The following ROBO2 variants were observed in gnomAD, a reference collection of about 807,000 sequenced individuals.
The protein encoded by ROBO2 is roundabout guidance receptor 2.
A neutral mutation model predicts 160.8 loss-of-function variants in ROBO2; 53 were observed. The ratio of observed to expected loss-of-function variants is 0.33; its 90% CI spans 0.26 to 0.41. The LOEUF (loss-of-function observed/expected upper bound fraction) is 0.41, where lower values mean the gene tolerates loss of function less well. Among genes scored for constraint, ROBO2 ranks in the 10% least tolerant of loss-of-function variants. ROBO2 has a pLI of 1.00. For missense variants in ROBO2, 1,577 were observed against 1,722.4 expected (o/e 0.92, Z 1.49); for synonymous variants, 664 against 611.7 (o/e 1.09, Z -1.26).
At chr3:76,353,936 A>G (rs2075020131) in intron 2 of ROBO2, among the ~76,000 whole-genome samples, 1 of 151,878 alleles carries the variant, frequency 6.6e-6, no homozygotes, top group African/African-American at 2.4e-5. Context: ...TGTGACCAGA[A>G]ATGCATGTGA....
At chr3:76,446,762 A>T (rs2077203972) in intron 2 of ROBO2, among the ~76,000 whole-genome samples, 1 of 152,324 alleles carries the variant, frequency 6.6e-6, no homozygotes, top group East Asian at 1.9e-4. Flanking sequence ...CTGATCTTTG[A>T]CATACCTGAG....
chr3:76,661,207 A>G (rs76561819), intron 2 of ROBO2, among the ~76,000 whole-genome samples: 1 of 152,182 alleles, frequency 6.6e-6, no homozygotes, highest in South Asian at 2.1e-4. Context: ...TGTTTTATGC[A>G]GTTCCTGGAA....
chr3:77,359,413 T>C (rs944930974), intron 2 of ROBO2, among the ~76,000 whole-genome samples: 1 of 152,178 alleles, frequency 6.6e-6, no homozygotes, highest in Admixed American at 6.5e-5. Context: ...AATGTATGTG[T>C]CTGTCCTTTT....
At chr3:76,004,663 T>C (rs2065973824) in intron 2 of ROBO2, among the ~76,000 whole-genome samples, 1 of 152,178 alleles carries the variant, frequency 6.6e-6, no homozygotes, top group South Asian at 2.1e-4. Context: ...TAAGTCTCTG[T>C]TCTTATGACC....
chr3:76,576,900 C>G, intron 2 of ROBO2, among the ~76,000 whole-genome samples: 1 of 151,786 alleles, frequency 6.6e-6, no homozygotes, highest in East Asian at 1.9e-4. Context: ...GGAATTGGCA[C>G]TTTCACATTT....
chr3:76,490,182 C>T (rs1170441406), intron 2 of ROBO2, among the ~76,000 whole-genome samples: 1 of 152,128 alleles, frequency 6.6e-6, no homozygotes, highest in East Asian at 1.9e-4. Flanking sequence ...AATTTTTTAT[C>T]TATTTTCTCA....
chr3:77,606,758 C>T (rs2094533534), intron 20 of ROBO2, among the ~76,000 whole-genome samples: 1 of 152,078 alleles, frequency 6.6e-6, no homozygotes, highest in Admixed American at 6.6e-5. Flanking sequence ...GCTAAATAGC[C>T]CTGCTACAAA....
At chr3:76,689,413 A>G (rs2092752315) in intron 2 of ROBO2, among the ~76,000 whole-genome samples, 1 of 152,070 alleles carries the variant, frequency 6.6e-6, no homozygotes, top group Non-Finnish European at 1.5e-5. Context: ...GACTTCTCCA[A>G]TCCACTTTAT....
At chr3:76,735,116 C>T (rs3849510) in intron 2 of ROBO2, among the ~76,000 whole-genome samples, 99,076 of 151,952 alleles carry the variant, frequency 0.65, 32,439 homozygotes, top group African/African-American at 0.72. Flanking sequence ...AATTGTTCTA[C>T]GAAAAAGATA....
At chr3:77,268,398 C>G (rs1223531662) in intron 2 of ROBO2, among the ~76,000 whole-genome samples, 1 of 151,944 alleles carries the variant, frequency 6.6e-6, no homozygotes, top group African/African-American at 2.4e-5. Flanking sequence ...TCTATAGGAC[C>G]CATTCCAGCA....
intron 2 of ROBO2, among the ~76,000 whole-genome samples, chr3:77,358,508 A>C (rs560960794): frequency 6.6e-6 from 1 of 152,374 alleles, no homozygotes; most frequent in African/African-American, 2.4e-5. Context: ...AATTCAACCC[A>C]TAACAACAGG....
intron 2 of ROBO2, among the ~76,000 whole-genome samples, chr3:76,605,125 T>C (rs773079529): frequency 1.1e-4 from 17 of 152,180 alleles, no homozygotes; most frequent in Admixed American, 2.0e-4. Flanking sequence ...TTAAAATGTT[T>C]GTGTGCATTT....
intron 2 of ROBO2, among the ~76,000 whole-genome samples, chr3:76,910,960 C>T (rs2075959385): frequency 6.6e-6 from 1 of 151,998 alleles, no homozygotes; most frequent in Non-Finnish European, 1.5e-5. Context: ...ATACTCTCCA[C>T]AAAATTGTAT....
At chr3:77,584,854 G>A (rs2153680646) in intron 16 of ROBO2, among the ~76,000 whole-genome samples, 1 of 151,094 alleles carries the variant, frequency 6.6e-6, no homozygotes, top group East Asian at 1.9e-4. Flanking sequence ...TTAGAAATAA[G>A]CCCTTATTTT....
chr3:76,498,129 T>C (rs1014222668), intron 2 of ROBO2, among the ~76,000 whole-genome samples: 8 of 152,226 alleles, frequency 5.3e-5, no homozygotes, highest in African/African-American at 1.4e-4. Context: ...AGAAAATTCC[T>C]TGGCATATAT....
chr3:75,928,714 AACG>A (rs1459932054), intron 1 of ROBO2, among the ~76,000 whole-genome samples: 1 of 152,212 alleles, frequency 6.6e-6, no homozygotes, highest in East Asian at 1.9e-4. Flanking sequence ...ATGATTATAG[AACG>A]ATCTATGTAC....
chr3:77,226,088 T>G (rs2086466203), intron 2 of ROBO2, among the ~76,000 whole-genome samples: 1 of 151,994 alleles, frequency 6.6e-6, no homozygotes, highest in Admixed American at 6.6e-5. Flanking sequence ...ATGCAAGAAA[T>G]AATACAACAT....
chr3:77,630,727 A>C (rs939316533), intron 23 of ROBO2: 1 of 152,104 alleles, frequency 6.6e-6, no homozygotes, highest in African/African-American at 2.4e-5. Flanking sequence ...AAGATAGAAG[A>C]GACTAGAGGG....
intron 2 of ROBO2, among the ~76,000 whole-genome samples, chr3:76,560,700 A>G (rs1388959901): frequency 6.7e-6 from 1 of 150,348 alleles, no homozygotes; most frequent in Non-Finnish European, 1.5e-5. Context: ...TTTTTCCCCC[A>G]CATATTAACT....
Sources: gnomAD v4.1 joint callset for allele counts (sites outside exome capture counted in the v4.1 genomes callset) on GRCh38, gnomAD v4.1.1 for gene constraint, MANE v1.5 for transcripts, NCBI Gene and HGNC (gene_info 2026-07-23, HGNC 2026-07-21) for gene names.